TTC28: variants seen among roughly 807,000 people sequenced by gnomAD.
The protein encoded by TTC28 is tetratricopeptide repeat protein 28.
Under a neutral mutation model 198.0 loss-of-function variants are expected in TTC28, and 61 were observed. The ratio of observed to expected loss-of-function variants is 0.31; its 90% CI spans 0.25 to 0.38. TTC28 has a LOEUF of 0.38. TTC28 is among the 10% of genes least tolerant of loss of function. The probability of loss-of-function intolerance (pLI) is 1.00; values close to 1 mark genes in which losing one functional copy is unlikely to be tolerated. For synonymous variants in TTC28, 1,171 were observed against 1,297.8 expected (o/e 0.90, Z 2.10); for missense variants, 2,678 against 3,164.0 (o/e 0.85, Z 3.69).
In TTC28 at chr22:28,637,212, G is replaced by A. The variant is rs150906897; in HGVS notation, c.103-7382C>T. 2.1e-3 allele frequency among the ~76,000 whole-genome samples: 313 copies of A among 152,008 alleles called. 3 individuals are homozygous for A. The highest frequency in any genetic ancestry group is 0.014 in the Middle Eastern group (4 of 292). On this transcript the variant is annotated intron_variant, in intron 1 of 22. Transcript: ENST00000397906. ...TTTTTAGTAGAGACAGGGTTTCACC[G>A]TGTTAGCCACGAGGGTCTCGATCTC... is the stretch of plus-strand genomic sequence containing the variant.
At chr22:28,353,198 TAGAG>T (rs1246359109) in intron 2 of TTC28, among the ~76,000 whole-genome samples, 4 of 152,134 alleles carry the variant, frequency 2.6e-5, no homozygotes, top group Non-Finnish European at 5.9e-5. Context: ...AAGAAGTTAA[TAGAG>T]AGAAAAATGT....
chr22:28,382,425 C>T (rs571296215), intron 2 of TTC28, among the ~76,000 whole-genome samples: 2 of 152,232 alleles, frequency 1.3e-5, no homozygotes, highest in East Asian at 3.9e-4. Context: ...AAATGAAGCA[C>T]AGCAAATATG....
chr22:28,210,277 C>G (rs1299720864), intron 5 of TTC28, among the ~76,000 whole-genome samples: 2 of 152,174 alleles, frequency 1.3e-5, no homozygotes, highest in Non-Finnish European at 2.9e-5. Flanking sequence ...TGGAACACAG[C>G]TGGATGGAGA....
At chr22:28,038,621 T>C (rs1216060019) in intron 12 of TTC28, among the ~76,000 whole-genome samples, 9 of 152,198 alleles carry the variant, frequency 5.9e-5, no homozygotes, top group Non-Finnish European at 1.3e-4. Context: ...AAGGACTTCA[T>C]GTCTAAAACA....
chr22:28,146,480 C>T (rs1456444592), intron 6 of TTC28, among the ~76,000 whole-genome samples: 2 of 152,178 alleles, frequency 1.3e-5, no homozygotes, highest in Admixed American at 6.5e-5. Context: ...GCCAGCTCGC[C>T]GGATGGTGCC....
intron 2 of TTC28, among the ~76,000 whole-genome samples, chr22:28,513,713 G>T (rs1034535482): frequency 1.3e-5 from 2 of 152,120 alleles, no homozygotes; most frequent in South Asian, 4.1e-4. Context: ...AGTAAAAATA[G>T]CTGAGAAAAG....
chr22:28,088,900 C>G (rs1020003442), intron 12 of TTC28, among the ~76,000 whole-genome samples: 14 of 152,192 alleles, frequency 9.2e-5, no homozygotes, highest in African/African-American at 2.9e-4. Flanking sequence ...GCAGCCAAAA[C>G]ACACGTGAAA....
At chr22:28,192,024 C>T (rs1569188515) in intron 5 of TTC28, among the ~76,000 whole-genome samples, 1 of 152,206 alleles carries the variant, frequency 6.6e-6, no homozygotes, top group Non-Finnish European at 1.5e-5. Context: ...AGTAGCCTAA[C>T]TGGGAGGCAC....
At chr22:28,406,685 T>C (rs190012099) in intron 2 of TTC28, among the ~76,000 whole-genome samples, 14 of 152,304 alleles carry the variant, frequency 9.2e-5, no homozygotes, top group Admixed American at 7.2e-4. Flanking sequence ...TTTCAAAATT[T>C]AAAAACACCT....
rs1366706610 is a variant in TTC28, at chr22:28,349,745, T to C, written c.382-43102A>G. 5.3e-5 allele frequency among the ~76,000 whole-genome samples: 8 copies of C among 152,338 alleles called. No homozygotes were observed. In the South Asian group the frequency reaches 1.0e-3, roughly 20 times the overall value. Reference sequence around the variant, plus strand: ...GTGTATTAGAAACATTACATATAAATGTAAGAAAGTATTATAATTTTGTGA... The same window carrying C: ...GTGTATTAGAAACATTACATATAAACGTAAGAAAGTATTATAATTTTGTGA... On this transcript the variant is annotated intron_variant, in intron 2 of 22. Transcript: ENST00000397906.
intron 2 of TTC28, among the ~76,000 whole-genome samples, chr22:28,371,509 C>CAACAAAAA (rs2046332567): frequency 1.6e-4 from 1 of 6,102 alleles, no homozygotes; most frequent in Non-Finnish European, 2.9e-4. Flanking sequence ...GACCCTGTCT[C>CAACAAAAA]AAAAAAAAAA....
At chr22:28,408,904 TA>T (rs145537372) in intron 2 of TTC28, among the ~76,000 whole-genome samples, 2 of 152,372 alleles carry the variant, frequency 1.3e-5, no homozygotes, top group African/African-American at 2.4e-5. Context: ...ACTTAAGAAC[TA>T]GGCAACAGTA....
chr22:28,650,687 T>C (rs1350451196), intron 1 of TTC28, among the ~76,000 whole-genome samples: 3 of 152,184 alleles, frequency 2.0e-5, no homozygotes, highest in Non-Finnish European at 4.4e-5. Flanking sequence ...GAGAGAAACC[T>C]AGGTCTAACT....
rs1936948899 is a variant in TTC28 at position 27,979,569 on chromosome 22, C to T, written c.*2652G>A. The T allele has an allele frequency of 6.6e-6, 1 of 151,942 alleles. No homozygotes were observed. Among genetic ancestry groups the T allele is most frequent in the Non-Finnish European group, 1.5e-5 (1 of 68,004 alleles). 9.4% of individuals were successfully genotyped at this position (151,942 alleles called of 1,614,324 possible). ...AATATGATGTAATTACTTATATAAC[C>T]CTTTAAAAAGGTAACTTAGCTCATG... is the stretch of plus-strand genomic sequence containing the variant. On this transcript the variant is annotated 3_prime_UTR_variant, in exon 23 of 23. Transcript: ENST00000397906.
At chr22:27,996,671 C>G (rs1424100200) in intron 16 of TTC28, among the ~76,000 whole-genome samples, 1 of 152,136 alleles carries the variant, frequency 6.6e-6, no homozygotes, top group Non-Finnish European at 1.5e-5. Context: ...GGCTACTCCT[C>G]CAGTTCTAAA....
At chr22:28,078,843 G>C (rs953365446) in intron 12 of TTC28, among the ~76,000 whole-genome samples, 1 of 152,130 alleles carries the variant, frequency 6.6e-6, no homozygotes, top group Non-Finnish European at 1.5e-5. Flanking sequence ...AGAGAAGATA[G>C]GAATTTGAAG....
intron 1 of TTC28, among the ~76,000 whole-genome samples, chr22:28,651,889 G>A (rs2051569864): frequency 6.6e-6 from 1 of 151,874 alleles, no homozygotes; most frequent in African/African-American, 2.4e-5. Context: ...GCCCAGACTG[G>A]AGTGCAACGG....
intron 2 of TTC28, among the ~76,000 whole-genome samples, chr22:28,575,941 G>A (rs1318925517): frequency 2.6e-5 from 4 of 152,126 alleles, no homozygotes; most frequent in African/African-American, 9.7e-5. Context: ...CACATCATCT[G>A]TAAAAACAGA....
At chr22:28,607,813 T>A (rs2050757660) in intron 2 of TTC28, among the ~76,000 whole-genome samples, 1 of 152,200 alleles carries the variant, frequency 6.6e-6, no homozygotes, top group South Asian at 2.1e-4. Flanking sequence ...ACAAAGCATA[T>A]CCCAAATCCC....
Sources: allele counts gnomAD v4.1 joint callset (sites outside exome capture counted in the v4.1 genomes callset), GRCh38; gene constraint gnomAD v4.1.1; transcripts MANE v1.5; gene names NCBI Gene and HGNC (gene_info 2026-07-23, HGNC 2026-07-21).